The following CSNK1G3 variants were observed in gnomAD, a reference collection of about 807,000 sequenced individuals.
CSNK1G3 encodes the protein casein kinase I isoform gamma-3.
A neutral mutation model predicts 64.3 loss-of-function variants in CSNK1G3; 23 were observed. The observed-to-expected ratio is 0.36, with a 90% CI of 0.26 to 0.51. The LOEUF is 0.51. CSNK1G3 is among the 20% of genes least tolerant of loss of function. CSNK1G3 has a pLI of 0.96. For synonymous variants in CSNK1G3, 158 were observed against 162.2 expected, an observed-to-expected ratio of 0.97 and a Z score of 0.20; for missense variants, 357 against 510.5, an observed-to-expected ratio of 0.70 and a Z score of 2.90.
At chr5:123,582,115 A>AT (rs902382832) in intron 6 of CSNK1G3, among the ~76,000 whole-genome samples, 2 of 151,914 alleles carry the variant, frequency 1.3e-5, no homozygotes, top group South Asian at 2.1e-4. Flanking sequence ...GAAAAAGGGA[A>AT]TTTTTTTTGT....
rs1016334650 is a variant in CSNK1G3, at chr5:123,591,493, C to T, written c.1086+79C>T. 9.1e-6 allele frequency: 7 copies of T among 766,552 alleles called. No individual in the cohort carries two copies. In the African/African-American group the frequency reaches 1.3e-4, roughly 14 times the overall value. The allele number at this position is 766,552 out of a possible 1,614,324, so 47.5% of individuals were successfully genotyped here. ...TTTTTTCTTCAATAGATAAAACAGA[C>T]TGAAGGATTGAAAATACATATTTTT... On this transcript the variant is annotated intron_variant, in intron 10 of 12. Coordinates refer to ENST00000345990, the Ensembl canonical transcript of CSNK1G3.
chr5:123,553,025 G>A (rs1401712559), intron 2 of CSNK1G3, 82 bp from the exon 3 acceptor site: 3 of 736,560 alleles, frequency 4.1e-6, no homozygotes, highest in Non-Finnish European at 6.5e-6. Context: ...TGTATTATGT[G>A]CTTTTTTTCA....
intron 12 of CSNK1G3, among the ~76,000 whole-genome samples, chr5:123,612,158 T>A (rs141030820): frequency 2.1e-4 from 32 of 152,312 alleles, no homozygotes; most frequent in African/African-American, 7.5e-4. Context: ...ATATTTCTAG[T>A]TGAATCTTTA....
intron 4 of CSNK1G3, among the ~76,000 whole-genome samples, chr5:123,561,830 T>C (rs893532421): frequency 2.0e-5 from 3 of 152,264 alleles, no homozygotes; most frequent in African/African-American, 7.2e-5. Context: ...CCTAGTTCCA[T>C]TAGTTCCACA....
At chr5:123,538,208 C>T (rs1781142397) in intron 1 of CSNK1G3, among the ~76,000 whole-genome samples, 1 of 152,020 alleles carries the variant, frequency 6.6e-6, no homozygotes, top group South Asian at 2.1e-4. Flanking sequence ...AGTGGCATTG[C>T]TAGGTCATAG....
chr5:123,561,531 T>C (rs1785714186), intron 4 of CSNK1G3, among the ~76,000 whole-genome samples: 1 of 152,202 alleles, frequency 6.6e-6, no homozygotes, highest in Admixed American at 6.5e-5. Context: ...GTACAGCTGC[T>C]CAAAAGTAAG....
intron 6 of CSNK1G3, 124 bp downstream of exon 6, chr5:123,576,087 C>T (rs1306374679): frequency 3.4e-6 from 2 of 592,442 alleles, no homozygotes; most frequent in Non-Finnish European, 6.0e-6. Flanking sequence ...TTTCATTTAT[C>T]ACATCTACCT....
At chr5:123,569,462 C>G (rs2150610105) in intron 4 of CSNK1G3, among the ~76,000 whole-genome samples, 1 of 152,288 alleles carries the variant, frequency 6.6e-6, no homozygotes, top group Admixed American at 6.5e-5. Flanking sequence ...TTTGAATGAA[C>G]CATTTCTGAC....
At chr5:123,542,638 AC>A (rs1158750398) in intron 1 of CSNK1G3, among the ~76,000 whole-genome samples, 1 of 152,080 alleles carries the variant, frequency 6.6e-6, no homozygotes, top group Non-Finnish European at 1.5e-5. Flanking sequence ...ATTGATCAAC[AC>A]CTGTGGCAAA....
At chr5:123,603,038 C>G (rs1305679623) in intron 10 of CSNK1G3, among the ~76,000 whole-genome samples, 1 of 152,086 alleles carries the variant, frequency 6.6e-6, no homozygotes, top group Non-Finnish European at 1.5e-5. Flanking sequence ...TAGAGCTAGG[C>G]TTTGAGTCTA....
At chr5:123,615,881 G>A (rs1229316651) in exon 13 of CSNK1G3, 1 of 152,072 alleles carries the variant, frequency 6.6e-6, no homozygotes, top group Non-Finnish European at 1.5e-5. Flanking sequence ...TTGTCTCAAG[G>A]TAACATTTAA....
intron 8 of CSNK1G3, among the ~76,000 whole-genome samples, chr5:123,589,912 C>G (rs980721611): frequency 6.6e-6 from 1 of 152,026 alleles, no homozygotes. Flanking sequence ...GAATACTGCT[C>G]AAAGCCAAGG....
chr5:123,606,092 C>T (rs199921543), intron 12 of CSNK1G3, among the ~76,000 whole-genome samples: 121 of 151,852 alleles, frequency 8.0e-4, no homozygotes, highest in Admixed American at 2.5e-3. Context: ...CTAAAGGCAC[C>T]TTATATAATT....
At chr5:123,572,056 G>T (rs1242359218) in intron 4 of CSNK1G3, among the ~76,000 whole-genome samples, 5 of 152,186 alleles carry the variant, frequency 3.3e-5, no homozygotes, top group South Asian at 2.1e-4. Context: ...AATGGCCTCA[G>T]TCTGAAGTTG....
chr5:123,555,259 A>AT (rs1452854941), intron 3 of CSNK1G3, among the ~76,000 whole-genome samples: 1 of 152,236 alleles, frequency 6.6e-6, no homozygotes, highest in Admixed American at 6.5e-5. Context: ...AGTGGTATCT[A>AT]GTCACGTTCA....
exon 1 of CSNK1G3, chr5:123,512,181 T>C (rs893377821): frequency 4.6e-5 from 7 of 152,034 alleles, no homozygotes; most frequent in Non-Finnish European, 1.0e-4. Flanking sequence ...TTTTTCCATG[T>C]GTTCACTTCC....
intron 4 of CSNK1G3, among the ~76,000 whole-genome samples, chr5:123,563,730 T>A (rs1786249561): frequency 6.6e-6 from 1 of 152,086 alleles, no homozygotes; most frequent in Non-Finnish European, 1.5e-5. Context: ...CAGACCATGT[T>A]TTAGGTAAGA....
intron 5 of CSNK1G3, among the ~76,000 whole-genome samples, chr5:123,575,241 A>T (rs1788941534): frequency 6.6e-6 from 1 of 152,222 alleles, no homozygotes; most frequent in Non-Finnish European, 1.5e-5. Context: ...TAAAGGAAAC[A>T]TGTTATGAAA....
chr5:123,527,972 T>C (rs1337704006), intron 1 of CSNK1G3, among the ~76,000 whole-genome samples: 3 of 152,218 alleles, frequency 2.0e-5, no homozygotes, highest in African/African-American at 4.8e-5. Flanking sequence ...TGCAGAGATG[T>C]CTGTAAATCT....
Sources: allele counts gnomAD v4.1 joint callset (sites outside exome capture counted in the v4.1 genomes callset), GRCh38; gene constraint gnomAD v4.1.1; transcripts MANE v1.5; gene names NCBI Gene and HGNC (gene_info 2026-07-23, HGNC 2026-07-21).